LRIG2: variants seen among roughly 807,000 people sequenced by gnomAD.
LRIG2 encodes leucine rich repeats and immunoglobulin like domains 2.
LRIG2 carries 93 observed loss-of-function variants against 107.8 expected under a neutral mutation model. The observed-to-expected ratio is 0.86, with a 90% confidence interval of 0.73 to 1.03. The LOEUF (loss-of-function observed/expected upper bound fraction) is 1.03. LRIG2 is among the 50% of genes least tolerant of loss of function. The probability of loss-of-function intolerance (pLI) is 0.00; values close to 1 mark genes in which losing one functional copy is unlikely to be tolerated. For missense variants in LRIG2, 1,226 were observed against 1,296.0 expected (o/e 0.95, Z 0.83); for synonymous variants, 471 against 470.6 (o/e 1.00, Z -0.01).
intron 1 of LRIG2, among the ~76,000 whole-genome samples, chr1:113,087,160 T>C (rs184248698): frequency 1.3e-5 from 2 of 152,226 alleles, no homozygotes; most frequent in African/African-American, 4.8e-5. Context: ...TAAGTACATT[T>C]TAGGGATATT....
At chr1:113,093,657 A>T in intron 4 of LRIG2, 93 bp downstream of exon 4, 1 of 729,790 alleles carries the variant, frequency 1.4e-6, no homozygotes, top group African/African-American at 1.8e-5. Context: ...TAGCACTGGG[A>T]GATATACCTA....
chr1:113,080,530 C>T (rs1343928446), intron 1 of LRIG2, among the ~76,000 whole-genome samples: 1 of 152,068 alleles, frequency 6.6e-6, no homozygotes, highest in African/African-American at 2.4e-5. Flanking sequence ...CAGGCACCTA[C>T]CACCACGCCC....
At chr1:113,093,585 T>A (rs1252619663) in intron 4 of LRIG2, 21 bp downstream of exon 4, 6 of 1,440,252 alleles carry the variant, frequency 4.2e-6, no homozygotes, top group South Asian at 3.5e-5. Flanking sequence ...CAGATTAAAT[T>A]AGATTTACTT....
chr1:113,104,888 CTG>C (rs1435990452), intron 11 of LRIG2, among the ~76,000 whole-genome samples: 5 of 152,154 alleles, frequency 3.3e-5, no homozygotes, highest in Non-Finnish European at 5.9e-5. Flanking sequence ...TGGCTCATGT[CTG>C]TAATCCCAGT....
intron 15 of LRIG2, 57 bp downstream of exon 15, chr1:113,114,933 G>T: frequency 7.3e-7 from 1 of 1,367,086 alleles, no homozygotes; most frequent in South Asian, 1.3e-5. Flanking sequence ...ATGTAGTATA[G>T]GATTAATTGT....
rs562803585 is a variant in LRIG2 at position 113,132,238 on chromosome 1, TA to T, written c.*8139del. The T allele has an allele frequency of 1.2e-3, 181 of 152,326 alleles. No homozygotes were observed. Among genetic ancestry groups the T allele is most frequent in the African/African-American group, 4.1e-3 (172 of 41,580 alleles). The allele number at this position is 152,326 out of a possible 1,614,324, so 9.4% of individuals were successfully genotyped here. A position where few individuals can be genotyped will look rare whatever the true frequency, so the allele number is the denominator to read the frequency against. On this transcript the variant is annotated 3_prime_UTR_variant, in exon 18 of 18. Coordinates refer to ENST00000361127, the MANE Select transcript of LRIG2 (RefSeq NM_014813.3). The stretch of plus-strand genomic sequence containing the variant: ...TTGTTTGTCTACTATAATATGTCTT[TA>T]ATAAAGCTAAAAACATTCTGATTTT...
chr1:113,098,094 AT>A (rs750148548), intron 8 of LRIG2, among the ~76,000 whole-genome samples: 1 of 152,200 alleles, frequency 6.6e-6, no homozygotes, highest in Non-Finnish European at 1.5e-5. Flanking sequence ...ATGTGGTACA[AT>A]TGCATTTCCT....
At chr1:113,092,427 G>A (rs1361968185) in intron 2 of LRIG2, among the ~76,000 whole-genome samples, 2 of 152,094 alleles carry the variant, frequency 1.3e-5, no homozygotes, top group Non-Finnish European at 2.9e-5. Context: ...CTCTGGGTGG[G>A]CTGATAAATT....
In LRIG2 at chr1:113,128,262, G is replaced by C. The variant is rs935722770; in HGVS notation, c.*4161G>C. On this transcript the variant is annotated 3_prime_UTR_variant, in exon 18 of 18. Transcript: ENST00000361127. ...GTCAGCCTCTGATCATTTTCACTTT[G>C]AACTTCCTAAAGATCACAATTTCCT... 6.6e-6 allele frequency: 1 copy of C among 151,982 alleles called. No homozygotes were observed. Among genetic ancestry groups the C allele is most frequent in the African/African-American group, 2.4e-5 (1 of 41,350 alleles). 9.4% of individuals were successfully genotyped at this position (151,982 alleles called of 1,614,324 possible).
intron 1 of LRIG2, among the ~76,000 whole-genome samples, chr1:113,084,341 G>C (rs1304078133): frequency 6.8e-6 from 1 of 147,996 alleles, no homozygotes; most frequent in Non-Finnish European, 1.5e-5. Flanking sequence ...TCAGCCTCCC[G>C]AGTAGCTGGG....
In LRIG2 at chr1:113,100,422, AT is replaced by A; in HGVS notation, c.1250del (p.Leu417Ter). 1 of 1,528,196 alleles carries A rather than the reference AT, an allele frequency of 6.5e-7. No homozygotes were observed. The highest frequency in any genetic ancestry group is 9.0e-7 in the Non-Finnish European group (1 of 1,106,730). The allele number at this position is 1,528,196 out of a possible 1,614,324, so 94.7% of individuals were successfully genotyped here. A position where few individuals can be genotyped will look rare whatever the true frequency, so the allele number is the denominator to read the frequency against. On this transcript the variant is annotated frameshift_variant, in exon 11 of 18. Transcript: ENST00000361127. LOFTEE classifies it high-confidence loss of function. ...TGTTTCATTTCTCTTTATTTCAGAG[AT>A]TTGAACAATAATGCTATAATGTCTA... The part of the protein sequence containing the change: ...FIGLESLEHL[D>X]LNNNAIMSIQ...
At chr1:113,120,544 CTT>C (rs1273086389) in intron 17 of LRIG2, among the ~76,000 whole-genome samples, 1 of 138,398 alleles carries the variant, frequency 7.2e-6, no homozygotes, top group Non-Finnish European at 1.5e-5. Context: ...GAGGTTCGCT[CTT>C]GTTTCCCAAG....
rs1655659306 is a variant in LRIG2 at position 113,130,370 on chromosome 1, A to ATT, written c.*6271_*6272dup. ...TCAAGCAATTTAGATTCTGTTACCC[A>ATT]TTTCCCTATGAAAAGAGATGTGTTA... On this transcript the variant is annotated 3_prime_UTR_variant, in exon 18 of 18. Coordinates refer to ENST00000361127, the MANE Select transcript of LRIG2 (RefSeq NM_014813.3). 6.6e-6 allele frequency: 1 copy of ATT among 152,192 alleles called. No homozygotes were observed. The highest frequency in any genetic ancestry group is 2.1e-4 in the South Asian group (1 of 4,820). 9.4% of individuals were successfully genotyped at this position (152,192 alleles called of 1,614,324 possible).
intron 11 of LRIG2, among the ~76,000 whole-genome samples, chr1:113,104,008 C>G (rs1654422942): frequency 6.6e-6 from 1 of 152,170 alleles, no homozygotes; most frequent in East Asian, 1.9e-4. Flanking sequence ...GGCAATTTCT[C>G]TGGCATCTGA....
chr1:113,114,703 C>A lies in LRIG2; in HGVS notation c.2357C>A (p.Ser786Tyr). 1.9e-6 allele frequency: 3 copies of A among 1,614,166 alleles called. No individual in the cohort carries two copies. Among genetic ancestry groups the A allele is most frequent in the Non-Finnish European group, 2.5e-6 (3 of 1,180,028 alleles). ...RGHIYLNVIS[S>Y]PNCDSSQSSI... ...CACATTTACCTAAATGTCATTTCATCCCCCAATTGTGACTCTTCCCAGAGT... is the reference window on the plus strand; with the variant it reads ...CACATTTACCTAAATGTCATTTCATACCCCAATTGTGACTCTTCCCAGAGT... Residue 786 changes from serine to tyrosine, a missense_variant, in exon 15 of 18, where the codon TCC becomes TAC. Coordinates refer to ENST00000361127, the MANE Select transcript of LRIG2 (RefSeq NM_014813.3).
In LRIG2 at chr1:113,073,591, C is replaced by A; in HGVS notation, c.185C>A (p.Pro62His). The A allele has an allele frequency of 6.2e-7, 1 of 1,613,942 alleles. No homozygotes were observed. The highest frequency in any genetic ancestry group is 8.5e-7 in the Non-Finnish European group (1 of 1,180,036). ...PLLDCSRRKL[P>H]APSWRALSGL... ...CTGGACTGCAGTCGCAGGAAATTGC[C>A]CGCACCGAGCTGGAGGGCGCTGTCG... Residue 62 changes from proline (P) to histidine (H), a missense_variant, in exon 1 of 18, where the codon CCC (proline) becomes CAC (histidine). By Grantham distance (77) the Pro-to-His change is moderately conservative. This residue lies in a region of LRIG2 where 570 missense variants were observed against 550.2 expected (regional missense o/e 1.04). Coordinates refer to ENST00000361127, the MANE Select transcript of LRIG2 (RefSeq NM_014813.3).
intron 1 of LRIG2, among the ~76,000 whole-genome samples, chr1:113,079,182 C>A (rs1021607053): frequency 1.2e-4 from 18 of 151,190 alleles, no homozygotes; most frequent in Admixed American, 2.0e-4. Flanking sequence ...CACTGTCTGT[C>A]AAAAAAAGTG....
At chr1:113,103,829 G>A (rs1192701102) in intron 11 of LRIG2, 1 of 152,214 alleles carries the variant, frequency 6.6e-6, no homozygotes, top group African/African-American at 2.4e-5. Context: ...TATATTCTCT[G>A]GAGTTGGGCT....
At chr1:113,115,241 G>A (rs1440712564) in intron 15 of LRIG2, among the ~76,000 whole-genome samples, 2 of 152,184 alleles carry the variant, frequency 1.3e-5, no homozygotes, top group Non-Finnish European at 2.9e-5. Flanking sequence ...TTGAGATAGG[G>A]TGTTACTGTA....
Sources: allele counts gnomAD v4.1 joint callset (sites outside exome capture counted in the v4.1 genomes callset), GRCh38; gene constraint gnomAD v4.1.1; regional missense constraint gnomAD v4.1.1; transcripts MANE v1.5; gene names NCBI Gene and HGNC (gene_info 2026-07-23, HGNC 2026-07-21).